The following TNFSF4 variants were observed in gnomAD, a reference collection of about 807,000 sequenced individuals.
TNFSF4 encodes the protein TNF superfamily member 4, also known as tumor necrosis factor ligand superfamily member 4.
In TNFSF4, 4 loss-of-function variants were observed where a neutral mutation model predicts 7.3. The ratio of observed to expected loss-of-function variants is 0.55; its 90% CI spans 0.27 to 1.25. The LOEUF (loss-of-function observed/expected upper bound fraction) is 1.25. Among genes scored for constraint, TNFSF4 ranks in the 50% most tolerant of loss-of-function variants. The probability of loss-of-function intolerance (pLI) is 0.12; values close to 1 mark genes in which losing one functional copy is unlikely to be tolerated. For synonymous variants in TNFSF4, 76 were observed against 83.7 expected (o/e 0.91, Z 0.50); for missense variants, 181 against 208.8 (o/e 0.87, Z 0.82).
the TNFSF4 span, among the ~76,000 whole-genome samples, chr1:173,380,662 T>G: frequency 6.6e-6 from 1 of 152,082 alleles, no homozygotes; most frequent in Admixed American, 6.5e-5. Context: ...CATCCCCTCT[T>G]TCAATCACTC....
At chr1:173,401,323 G>A in the TNFSF4 span, among the ~76,000 whole-genome samples, 2 of 152,188 alleles carry the variant, frequency 1.3e-5, no homozygotes, top group African/African-American at 4.8e-5. Flanking sequence ...AAGTTGGCAA[G>A]GGGTGGACTT....
chr1:173,215,949 A>G, the TNFSF4 span, among the ~76,000 whole-genome samples: 1 of 152,176 alleles, frequency 6.6e-6, no homozygotes. Context: ...GTCACTCAGG[A>G]GCTTGTTAGA....
the TNFSF4 span, among the ~76,000 whole-genome samples, chr1:173,275,424 C>CAA: frequency 1.3e-5 from 2 of 152,142 alleles, no homozygotes; most frequent in Non-Finnish European, 2.9e-5. Flanking sequence ...GTGCTCTATA[C>CAA]AAACATCCTG....
At chr1:173,437,408 T>G in the TNFSF4 span, among the ~76,000 whole-genome samples, 1 of 152,182 alleles carries the variant, frequency 6.6e-6, no homozygotes, top group African/African-American at 2.4e-5. Flanking sequence ...GCTTATTAAT[T>G]TAGTTTGTAG....
the TNFSF4 span, among the ~76,000 whole-genome samples, chr1:173,319,599 C>T: frequency 6.6e-6 from 1 of 152,300 alleles, no homozygotes; most frequent in Non-Finnish European, 1.5e-5. Context: ...ACACCTCATA[C>T]AGGAGAGTTC....
the TNFSF4 span, among the ~76,000 whole-genome samples, chr1:173,357,209 T>C: frequency 1.3e-5 from 2 of 152,262 alleles, no homozygotes; most frequent in Admixed American, 1.3e-4. Flanking sequence ...TAGCTTAAGA[T>C]GTAGGCCTCA....
the TNFSF4 span, among the ~76,000 whole-genome samples, chr1:173,245,850 T>A: frequency 6.6e-6 from 1 of 152,250 alleles, no homozygotes. Flanking sequence ...TATCTGTCTT[T>A]CTGTGCCTGG....
the TNFSF4 span, among the ~76,000 whole-genome samples, chr1:173,243,849 T>C: frequency 8.5e-5 from 13 of 152,326 alleles, no homozygotes; most frequent in Middle Eastern, 6.8e-3. Context: ...TCCCCTCTTT[T>C]ATGTCTCTGC....
chr1:173,349,218 C>CG, the TNFSF4 span, among the ~76,000 whole-genome samples: 164 of 151,992 alleles, frequency 1.1e-3, no homozygotes, highest in African/African-American at 3.7e-3. Flanking sequence ...TTAGTAGAGA[C>CG]GGGGTTTCAC....
chr1:173,294,927 A>G, the TNFSF4 span, among the ~76,000 whole-genome samples: 4 of 152,020 alleles, frequency 2.6e-5, no homozygotes, highest in African/African-American at 4.8e-5. Context: ...AGACAATCCA[A>G]TTTTTTAACG....
chr1:173,395,652 T>C, the TNFSF4 span, among the ~76,000 whole-genome samples: 1 of 151,918 alleles, frequency 6.6e-6, no homozygotes, highest in Non-Finnish European at 1.5e-5. Context: ...CAGAATCTCA[T>C]GTTGCAACTG....
At chr1:173,220,926 C>A in the TNFSF4 span, among the ~76,000 whole-genome samples, 1 of 152,060 alleles carries the variant, frequency 6.6e-6, no homozygotes, top group Non-Finnish European at 1.5e-5. Context: ...ATAAACAAAC[C>A]CAAAACCCAC....
the TNFSF4 span, among the ~76,000 whole-genome samples, chr1:173,350,124 A>G: frequency 6.6e-6 from 1 of 152,190 alleles, no homozygotes; most frequent in East Asian, 1.9e-4. Context: ...TCTTAATTAA[A>G]AATACTTCCA....
chr1:173,377,513 G>A, the TNFSF4 span, among the ~76,000 whole-genome samples: 3 of 152,212 alleles, frequency 2.0e-5, no homozygotes, highest in African/African-American at 4.8e-5. Context: ...ACGCCCAAGC[G>A]AGACTAGCCC....
the TNFSF4 span, among the ~76,000 whole-genome samples, chr1:173,249,604 T>C: frequency 6.6e-6 from 1 of 152,168 alleles, no homozygotes; most frequent in South Asian, 2.1e-4. Context: ...AGTCAGTGGG[T>C]GGACCTGGGC....
the TNFSF4 span, among the ~76,000 whole-genome samples, chr1:173,428,296 A>C: frequency 7.2e-5 from 11 of 152,194 alleles, no homozygotes; most frequent in East Asian, 2.1e-3. Flanking sequence ...CGTTGACAGA[A>C]TATTTTGTTA....
chr1:173,319,576 C>T, the TNFSF4 span, among the ~76,000 whole-genome samples: 17 of 152,212 alleles, frequency 1.1e-4, no homozygotes, highest in Middle Eastern at 3.2e-3. Flanking sequence ...GAACACCCAA[C>T]AGGGGTTGAC....
chr1:173,281,587 A>G, the TNFSF4 span, among the ~76,000 whole-genome samples: 2 of 152,200 alleles, frequency 1.3e-5, no homozygotes, highest in African/African-American at 4.8e-5. Flanking sequence ...TGACTGAAAT[A>G]TGCTTACATA....
chr1:173,285,152 C>A, the TNFSF4 span, among the ~76,000 whole-genome samples: 1 of 151,982 alleles, frequency 6.6e-6, no homozygotes, highest in Non-Finnish European at 1.5e-5. Context: ...TAATATCAAC[C>A]CTCATGAATG....
Sources: allele counts gnomAD v4.1 joint callset (sites outside exome capture counted in the v4.1 genomes callset), GRCh38; gene constraint gnomAD v4.1.1; transcripts MANE v1.5; gene names NCBI Gene and HGNC (gene_info 2026-07-23, HGNC 2026-07-21).